FBXW10B: variants seen among roughly 807,000 people sequenced by gnomAD.
FBXW10B encodes the protein F-box and WD repeat domain containing 10B.
chr17:15,602,624 GTTT>G, the FBXW10B span, among the ~76,000 whole-genome samples: 1 of 75,396 alleles, frequency 1.3e-5, no homozygotes, highest in Admixed American at 1.3e-4. Context: ...TTGAGACCGA[GTTT>G]TTTTTTTTTT....
chr17:15,611,024 T>C, the FBXW10B span, among the ~76,000 whole-genome samples: 1 of 93,844 alleles, frequency 1.1e-5, no homozygotes, highest in African/African-American at 5.9e-5. Context: ...ATGTGTTTTC[T>C]TTTTTTTTTT....
the FBXW10B span, among the ~76,000 whole-genome samples, chr17:15,602,894 TG>T: frequency 8.1e-6 from 1 of 122,972 alleles, no homozygotes; most frequent in African/African-American, 3.9e-5. Context: ...CCCAAAGTGC[TG>T]GGATTACAGG....
the FBXW10B span, among the ~76,000 whole-genome samples, chr17:15,567,001 G>A: frequency 2.9e-4 from 44 of 151,846 alleles, no homozygotes; most frequent in African/African-American, 1.0e-3. Context: ...GCCGGGCGCG[G>A]TGGCTCACGC....
chr17:15,618,330 A>G, the FBXW10B span, among the ~76,000 whole-genome samples: 1 of 152,092 alleles, frequency 6.6e-6, no homozygotes. Flanking sequence ...CATCTCAAAA[A>G]AAAAAGAAAA....
At chr17:15,608,607 C>A in the FBXW10B span, among the ~76,000 whole-genome samples, 2 of 152,222 alleles carry the variant, frequency 1.3e-5, no homozygotes, top group South Asian at 4.1e-4. Flanking sequence ...GCATGTGCCA[C>A]CACGCCTGGC....
chr17:15,594,764 C>A, the FBXW10B span: 1 of 1,613,864 alleles, frequency 6.2e-7, no homozygotes, highest in Non-Finnish European at 8.5e-7. Context: ...TGCTTGAAGG[C>A]CATCAGGCAG....
At chr17:15,568,927 G>A in the FBXW10B span, 22 of 1,231,498 alleles carry the variant, frequency 1.8e-5, no homozygotes, top group Admixed American at 1.3e-4. Context: ...TCGGTTTTGC[G>A]TGGGTTATTA....
chr17:15,570,687 A>C, the FBXW10B span, among the ~76,000 whole-genome samples: 2 of 152,242 alleles, frequency 1.3e-5, no homozygotes, highest in African/African-American at 4.8e-5. Flanking sequence ...TGGAAAATTC[A>C]AAGGAATCTA....
chr17:15,602,552 G>GA, the FBXW10B span, among the ~76,000 whole-genome samples: 303 of 132,880 alleles, frequency 2.3e-3, no homozygotes, highest in African/African-American at 6.9e-3. Context: ...CAGAAATGAG[G>GA]AAAAAAAAAA....
chr17:15,586,804 AATAGACAGTAGAG>A, the FBXW10B span, among the ~76,000 whole-genome samples: 1 of 151,662 alleles, frequency 6.6e-6, no homozygotes, highest in Non-Finnish European at 1.5e-5. Flanking sequence ...GCAGGAGGTT[AATAGACAGTAGAG>A]ATAGAAGGGA....
At chr17:15,576,679 A>AT in the FBXW10B span, among the ~76,000 whole-genome samples, 30 of 152,200 alleles carry the variant, frequency 2.0e-4, no homozygotes, top group East Asian at 3.7e-3. Flanking sequence ...AACTTAATGG[A>AT]TCAGATGAGA....
chr17:15,569,818 T>G, the FBXW10B span, among the ~76,000 whole-genome samples: 1 of 152,128 alleles, frequency 6.6e-6, no homozygotes, highest in Non-Finnish European at 1.5e-5. Context: ...CAAGTGATCT[T>G]TCTGTCTTGG....
chr17:15,609,852 CTTTTTTTTTTTTT>C, the FBXW10B span, among the ~76,000 whole-genome samples: 3 of 103,192 alleles, frequency 2.9e-5, no homozygotes, highest in Admixed American at 1.1e-4. Context: ...TTCTTTCTTT[CTTTTTTTTTTTTT>C]TTTTTTTTTT....
the FBXW10B span, among the ~76,000 whole-genome samples, chr17:15,597,399 G>A: frequency 3.6e-4 from 54 of 151,476 alleles, 1 homozygote; most frequent in African/African-American, 1.0e-3. Context: ...AGGCCAAGGC[G>A]GGTGGATTAC....
chr17:15,591,643 T>TA, the FBXW10B span, among the ~76,000 whole-genome samples: 2 of 152,214 alleles, frequency 1.3e-5, no homozygotes, highest in Admixed American at 6.5e-5. Context: ...GCCATGTACC[T>TA]AGGGTGCCAA....
the FBXW10B span, among the ~76,000 whole-genome samples, chr17:15,617,016 C>T: frequency 5.3e-5 from 8 of 151,990 alleles, no homozygotes; most frequent in Non-Finnish European, 1.2e-4. Flanking sequence ...AGGAGGGGAT[C>T]GTGGTTTTCA....
At chr17:15,603,164 G>A in the FBXW10B span, among the ~76,000 whole-genome samples, 2 of 151,524 alleles carry the variant, frequency 1.3e-5, no homozygotes, top group African/African-American at 2.4e-5. Context: ...GCTTACAGGC[G>A]TGAGCCACCG....
At chr17:15,567,642 T>A in the FBXW10B span, among the ~76,000 whole-genome samples, 2 of 152,198 alleles carry the variant, frequency 1.3e-5, no homozygotes, top group African/African-American at 4.8e-5. Context: ...TACAGTGAGC[T>A]ATGATTGTAC....
At chr17:15,593,528 T>C in the FBXW10B span, 1 of 1,608,494 alleles carries the variant, frequency 6.2e-7, no homozygotes, top group Non-Finnish European at 8.5e-7. Context: ...GCAGTACCCA[T>C]CCTCTCATAA....
Sources: gnomAD v4.1 joint callset for allele counts (sites outside exome capture counted in the v4.1 genomes callset) on GRCh38, gnomAD v4.1.1 for gene constraint, MANE v1.5 for transcripts, NCBI Gene and HGNC (gene_info 2026-07-23, HGNC 2026-07-21) for gene names.